ARK2N: variants seen among roughly 807,000 people sequenced by gnomAD.
ARK2N encodes arkadia (RNF111) N-terminal like PKA signaling regulator 2N.
At chr18:46,191,707 C>A in the ARK2N span, among the ~76,000 whole-genome samples, 1 of 152,064 alleles carries the variant, frequency 6.6e-6, no homozygotes, top group South Asian at 2.1e-4. Context: ...TATTAGAGTT[C>A]ACTGTTGGTG....
At chr18:46,245,568 C>G in the ARK2N span, among the ~76,000 whole-genome samples, 3 of 113,142 alleles carry the variant, frequency 2.7e-5, no homozygotes, top group Admixed American at 9.8e-5. Context: ...GAGACTCTGT[C>G]TCAATAAAAA....
chr18:46,246,585 C>T, the ARK2N span, among the ~76,000 whole-genome samples: 2 of 147,814 alleles, frequency 1.4e-5, no homozygotes, highest in Admixed American at 6.8e-5. Context: ...CTGTATTTAG[C>T]ACCCCCATCA....
chr18:46,194,992 G>A, the ARK2N span, among the ~76,000 whole-genome samples: 13 of 151,250 alleles, frequency 8.6e-5, no homozygotes, highest in Admixed American at 4.6e-4. Flanking sequence ...AGTAGTGACG[G>A]GGTTTCGCCA....
chr18:46,192,205 C>T, the ARK2N span, among the ~76,000 whole-genome samples: 10 of 152,052 alleles, frequency 6.6e-5, no homozygotes, highest in African/African-American at 2.4e-4. Context: ...TTGACTTTAC[C>T]AATTTATTGA....
At chr18:46,238,885 A>C in the ARK2N span, among the ~76,000 whole-genome samples, 1 of 152,164 alleles carries the variant, frequency 6.6e-6, no homozygotes, top group Non-Finnish European at 1.5e-5. Flanking sequence ...CATAGTCAAG[A>C]GTTTCATAAA....
At chr18:46,174,883 G>C in the ARK2N span, among the ~76,000 whole-genome samples, 2 of 152,332 alleles carry the variant, frequency 1.3e-5, no homozygotes, top group African/African-American at 4.8e-5. Context: ...TTGGTGGAGG[G>C]AGAAAAGGCT....
the ARK2N span, among the ~76,000 whole-genome samples, chr18:46,238,305 CAT>C: frequency 4.6e-5 from 7 of 152,118 alleles, no homozygotes; most frequent in Admixed American, 1.3e-4. Flanking sequence ...AAAAATAGAA[CAT>C]ATGGTCAAAT....
chr18:46,251,682 T>C, the ARK2N span, among the ~76,000 whole-genome samples: 33 of 152,386 alleles, frequency 2.2e-4, no homozygotes, highest in Middle Eastern at 3.4e-3. Flanking sequence ...TATAGTGTTA[T>C]GTGTAATACT....
At chr18:46,198,706 C>A in the ARK2N span, among the ~76,000 whole-genome samples, 1 of 152,176 alleles carries the variant, frequency 6.6e-6, no homozygotes, top group African/African-American at 2.4e-5. Context: ...TCAAGTGATT[C>A]TCCTGCCTCA....
the ARK2N span, among the ~76,000 whole-genome samples, chr18:46,176,536 C>T: frequency 2.6e-4 from 40 of 151,728 alleles, 1 homozygote; most frequent in Non-Finnish European, 5.6e-4. Flanking sequence ...CTCACTGCAG[C>T]CTCAACCTCC....
At chr18:46,207,674 C>T in the ARK2N span, among the ~76,000 whole-genome samples, 2 of 152,210 alleles carry the variant, frequency 1.3e-5, no homozygotes, top group African/African-American at 4.8e-5. Context: ...AGGCGTGAGC[C>T]ACGGCGCCTG....
chr18:46,244,147 C>T, the ARK2N span, among the ~76,000 whole-genome samples: 8 of 152,222 alleles, frequency 5.3e-5, no homozygotes, highest in East Asian at 9.7e-4. Context: ...TCAGGTAACT[C>T]TTGTATCCAG....
At chr18:46,220,427 T>A in the ARK2N span, among the ~76,000 whole-genome samples, 1 of 152,224 alleles carries the variant, frequency 6.6e-6, no homozygotes. Context: ...GATAATTAAC[T>A]TATTATGCTT....
the ARK2N span, among the ~76,000 whole-genome samples, chr18:46,215,156 A>G: frequency 6.6e-6 from 1 of 152,206 alleles, no homozygotes; most frequent in East Asian, 1.9e-4. Flanking sequence ...CTGTCTCTAC[A>G]AAAAATACAA....
At chr18:46,258,535 ATAT>A in the ARK2N span, among the ~76,000 whole-genome samples, 3 of 152,134 alleles carry the variant, frequency 2.0e-5, no homozygotes, top group African/African-American at 7.2e-5. Context: ...CTATCAAACC[ATAT>A]TATTTATAAT....
At chr18:46,194,664 C>T in the ARK2N span, among the ~76,000 whole-genome samples, 13 of 147,584 alleles carry the variant, frequency 8.8e-5, no homozygotes, top group African/African-American at 3.2e-4. Flanking sequence ...TTAGTAGAGA[C>T]GGGGTTCCAC....
the ARK2N span, among the ~76,000 whole-genome samples, chr18:46,230,486 A>G: frequency 6.6e-6 from 1 of 152,218 alleles, no homozygotes; most frequent in African/African-American, 2.4e-5. Context: ...GTTTGTATTT[A>G]TTTGTACTCT....
chr18:46,253,990 A>G, the ARK2N span, among the ~76,000 whole-genome samples: 11 of 152,364 alleles, frequency 7.2e-5, no homozygotes, highest in Admixed American at 5.2e-4. Flanking sequence ...TAGACATGAT[A>G]TGAGCCTTAG....
the ARK2N span, among the ~76,000 whole-genome samples, chr18:46,210,394 T>C: frequency 6.6e-6 from 1 of 152,144 alleles, no homozygotes; most frequent in African/African-American, 2.4e-5. Flanking sequence ...ATAATAGCAA[T>C]AGTAGTACTA....
Sources: allele counts gnomAD v4.1 joint callset (sites outside exome capture counted in the v4.1 genomes callset), GRCh38; gene constraint gnomAD v4.1.1; transcripts MANE v1.5; gene names NCBI Gene and HGNC (gene_info 2026-07-23, HGNC 2026-07-21).